Variants in HEATR1 observed in about 807,000 individuals in gnomAD.
The protein encoded by HEATR1 is HEAT repeat containing 1, also known as HEAT repeat-containing protein 1.
Under a neutral mutation model 248.2 loss-of-function variants are expected in HEATR1, and 77 were observed. The ratio of observed to expected loss-of-function variants is 0.31; its 90% CI spans 0.26 to 0.37. The LOEUF (loss-of-function observed/expected upper bound fraction) is 0.37. HEATR1 is among the 10% of genes least tolerant of loss of function. The pLI, the probability that HEATR1 is intolerant of heterozygous loss-of-function variation, is 1.00. For synonymous variants in HEATR1, 897 were observed against 923.1 expected, an observed-to-expected ratio of 0.97 and a Z score of 0.51; for missense variants, 2,420 against 2,504.9, an observed-to-expected ratio of 0.97 and a Z score of 0.72.
At chr1:236,575,939 A>G (rs1033644698) in intron 22 of HEATR1, among the ~76,000 whole-genome samples, 1 of 152,210 alleles carries the variant, frequency 6.6e-6, no homozygotes, top group African/African-American at 2.4e-5. Context: ...GTGCAGCCCC[A>G]TGAGACACGA....
rs1376336041 is a variant in HEATR1 at position 236,565,987 on chromosome 1, A to C, written c.4367T>G (p.Val1456Gly). Residue 1456 changes from valine to glycine, a missense_variant, in exon 31 of 45, where the codon GTC (valine) becomes GGC (glycine). Coordinates refer to ENST00000366582, the MANE Select transcript of HEATR1 (RefSeq NM_018072.6). ...FWFSVCCEFS[V>G]QHQIQSLMNI... ...CATCAAGCTTTGTATCTGATGCTGG[A>C]CACTAAACTCACAACAGACTGAAAA... The C allele has an allele frequency of 6.2e-7, 1 of 1,613,872 alleles. No homozygotes were observed. The highest frequency in any genetic ancestry group is 8.5e-7 in the Non-Finnish European group (1 of 1,179,778).
intron 20 of HEATR1, among the ~76,000 whole-genome samples, chr1:236,579,212 T>A (rs1274030382): frequency 6.6e-6 from 1 of 150,578 alleles, no homozygotes; most frequent in Non-Finnish European, 1.5e-5. Context: ...AATGCAGGCA[T>A]ACAACTGTTT....
intron 26 of HEATR1, among the ~76,000 whole-genome samples, 161 bp from the exon 27 acceptor site, chr1:236,571,847 G>C (rs1237171620): frequency 6.6e-6 from 1 of 152,142 alleles, no homozygotes; most frequent in Non-Finnish European, 1.5e-5. Flanking sequence ...TAAGATATAA[G>C]ATTTCTAACT....
At chr1:236,592,466 T>C in intron 10 of HEATR1, 57 bp downstream of exon 10, 1 of 747,496 alleles carries the variant, frequency 1.3e-6, no homozygotes. Context: ...TTGTGAATCA[T>C]ATCTTTATAG....
intron 19 of HEATR1, among the ~76,000 whole-genome samples, chr1:236,581,805 A>G (rs367958780): frequency 6.6e-6 from 1 of 152,214 alleles, no homozygotes; most frequent in Non-Finnish European, 1.5e-5. Context: ...GGTGCTGGGG[A>G]TGAAATTTCC....
intron 15 of HEATR1, 120 bp from the exon 16 acceptor site, chr1:236,586,061 T>C: frequency 2.2e-6 from 3 of 1,358,054 alleles, no homozygotes; most frequent in Non-Finnish European, 3.0e-6. Flanking sequence ...TTTTTCCTTG[T>C]ATCCGATTCT....
chr1:236,574,560 A>G (rs1663515564), intron 23 of HEATR1, 101 bp downstream of exon 23: 3 of 1,407,094 alleles, frequency 2.1e-6, no homozygotes, highest in Non-Finnish European at 1.9e-6. Context: ...ATCTTCTCCA[A>G]ATAAAATATT....
At chr1:236,555,034 G>A (rs565746937) in intron 41 of HEATR1, among the ~76,000 whole-genome samples, 10 of 152,252 alleles carry the variant, frequency 6.6e-5, no homozygotes, top group South Asian at 2.1e-4. Flanking sequence ...TAATTTTTGC[G>A]TTTTAAAGTT....
chr1:236,572,425 A>G lies in HEATR1; in HGVS notation c.3693T>C (p.Phe1231=), dbSNP rs1663453067. 4.3e-6 allele frequency: 7 copies of G among 1,613,956 alleles called. No individual in the cohort carries two copies. In the Admixed American group the frequency reaches 1.0e-4, roughly 23 times the overall value. ...RSPQILVPTL[F]NLLSRCLEPL... ...AGTGTCATTACCTTGATAGCAAGTT[A>G]AAAAGAGTTGGCACCAATATCTGAG... The change falls in exon 26 of 45, where the codon TTT becomes TTC. Residue 1231 remains phenylalanine, a synonymous_variant. Coordinates refer to ENST00000366582, the MANE Select transcript of HEATR1 (RefSeq NM_018072.6).
intron 29 of HEATR1, among the ~76,000 whole-genome samples, chr1:236,568,368 T>C (rs1010737518): frequency 1.3e-5 from 2 of 152,238 alleles, no homozygotes; most frequent in African/African-American, 4.8e-5. Flanking sequence ...AAGAAGGTGC[T>C]GAATATGGTC....
rs116492244 is a variant in HEATR1 at position 236,565,498 on chromosome 1, T to C, written c.4435+421A>G. Among the ~76,000 whole-genome samples the C allele has an allele frequency of 3.9e-3, 598 of 152,232 alleles. 4 individuals carry two copies. Among genetic ancestry groups the C allele is most frequent in the African/African-American group, 0.014 (567 of 41,532 alleles). On this transcript the variant is annotated intron_variant, in intron 31 of 44. Coordinates refer to ENST00000366582, the MANE Select transcript of HEATR1 (RefSeq NM_018072.6). ...CCAGCCTCAGTGGTGCTGCGGTTCG[T>C]GGGATTTTCTTCAAGGCTCTGCTGC...
intron 3 of HEATR1, among the ~76,000 whole-genome samples, chr1:236,602,584 T>C (rs545662565): frequency 5.9e-4 from 90 of 152,294 alleles, no homozygotes; most frequent in African/African-American, 2.0e-3. Context: ...CTGCCTCAAG[T>C]GTGCAGGAAC....
intron 9 of HEATR1, among the ~76,000 whole-genome samples, chr1:236,593,407 G>T (rs914880954): frequency 4.0e-5 from 6 of 151,630 alleles, no homozygotes; most frequent in African/African-American, 1.5e-4. Flanking sequence ...TGAGCAAAGG[G>T]GCATGAATGA....
At chr1:236,556,919 C>T (rs1197129049) in intron 37 of HEATR1, among the ~76,000 whole-genome samples, 3 of 151,940 alleles carry the variant, frequency 2.0e-5, no homozygotes, top group Non-Finnish European at 4.4e-5. Context: ...CCAAAGATCT[C>T]ACAGAAGAAA....
intron 20 of HEATR1, among the ~76,000 whole-genome samples, chr1:236,578,316 T>C (rs1003581635): frequency 6.6e-6 from 1 of 152,258 alleles, no homozygotes; most frequent in African/African-American, 2.4e-5. Context: ...TTGCCTTTAT[T>C]ATATTCATAC....
chr1:236,603,004 AG>A (rs112604166), intron 3 of HEATR1, 155 bp downstream of exon 3: 17,496 of 604,374 alleles, frequency 0.029, 310 homozygotes, highest in Middle Eastern at 0.062. Context: ...AAGAATTTAA[AG>A]GCAGAAGAGC....
intron 43 of HEATR1, 65 bp from the exon 44 acceptor site, chr1:236,552,172 GT>G: frequency 9.5e-7 from 1 of 1,051,234 alleles, no homozygotes; most frequent in African/African-American, 1.6e-5. Context: ...CTTAAGAGCT[GT>G]ACTGACTTGA....
chr1:236,559,943 A>T (rs980484055), intron 33 of HEATR1, 106 bp from the exon 34 acceptor site: 9 of 1,191,494 alleles, frequency 7.6e-6, no homozygotes, highest in Admixed American at 5.2e-5. Flanking sequence ...GAGTTAAATA[A>T]TTCTGTACTA....
chr1:236,564,936 CGG>C (rs1663230675), intron 31 of HEATR1, among the ~76,000 whole-genome samples: 1 of 152,140 alleles, frequency 6.6e-6, no homozygotes, highest in Admixed American at 6.5e-5. Flanking sequence ...AACCACATCA[CGG>C]AAGGAGTCTC....
Sources: allele counts gnomAD v4.1 joint callset (sites outside exome capture counted in the v4.1 genomes callset), GRCh38; gene constraint gnomAD v4.1.1; transcripts MANE v1.5; gene names NCBI Gene and HGNC (gene_info 2026-07-23, HGNC 2026-07-21).